The following ALKBH1 variants were observed in gnomAD, a reference collection of about 807,000 sequenced individuals.
ALKBH1 encodes alkB homolog 1, histone H2A dioxygenase.
ALKBH1 carries 31 observed loss-of-function variants against 36.6 expected under a neutral mutation model. The observed-to-expected ratio is 0.85, with a 90% CI of 0.64 to 1.14. ALKBH1 has a LOEUF of 1.14. Ranked by LOEUF, ALKBH1 falls within the 50% of genes most tolerant of loss-of-function variation. ALKBH1 has a pLI of 0.00. For missense variants in ALKBH1, 490 were observed against 497.3 expected (o/e 0.99, Z 0.14); for synonymous variants, 183 against 186.6 (o/e 0.98, Z 0.16).
At chr14:77,675,634 C>A (rs1263233297) in intron 5 of ALKBH1, 22 bp downstream of exon 5, 4 of 1,572,110 alleles carry the variant, frequency 2.5e-6, no homozygotes, top group Non-Finnish European at 3.5e-6. Context: ...AAAGTAATCC[C>A]AAATCCCTGG....
intron 3 of ALKBH1, among the ~76,000 whole-genome samples, chr14:77,684,742 C>T (rs781539909): frequency 2.0e-5 from 3 of 152,056 alleles, no homozygotes; most frequent in African/African-American, 7.2e-5. Context: ...GAGACGGGGT[C>T]TCTCTATGTT....
intron 1 of ALKBH1, 68 bp downstream of exon 1, chr14:77,707,754 G>C: frequency 6.6e-7 from 1 of 1,508,522 alleles, no homozygotes; most frequent in South Asian, 1.3e-5. Flanking sequence ...AGGCGAAGAA[G>C]ACACGTAAGT....
In ALKBH1 at chr14:77,675,725, A is replaced by G. The variant is rs375325110; in HGVS notation, c.671T>C (p.Leu224Pro). The G allele has an allele frequency of 1.7e-5, 27 of 1,614,078 alleles. No individual in the cohort carries two copies. The highest frequency in any genetic ancestry group is 2.1e-5 in the Non-Finnish European group (25 of 1,180,044). The change falls in exon 5 of 6, where the codon CTG becomes CCG. Residue 224 changes from leucine to proline, a missense_variant. Leu to Pro is a moderately conservative substitution (Grantham distance 98, BLOSUM62 -3). Transcript: ENST00000216489. ...AEAGILNYYR[L>P]DSTLGIHVDR... is the part of the protein sequence containing the mutation. ...TACGTGGATTCCCAGTGTGGAGTCC[A>G]GGCGGTAGTAATTCAGGATCCCTGC...
At chr14:77,681,471 T>C (rs2080237790) in intron 3 of ALKBH1, among the ~76,000 whole-genome samples, 1 of 152,236 alleles carries the variant, frequency 6.6e-6, no homozygotes, top group South Asian at 2.1e-4. Context: ...CTCATCTTGA[T>C]GTTTGACGAA....
chr14:77,679,874 GAATAC>G lies in ALKBH1; in HGVS notation c.546+1_546+5del, dbSNP rs1367007547. The G allele has an allele frequency of 2.5e-6, 4 of 1,611,572 alleles. No individual in the cohort carries two copies. The highest frequency in any genetic ancestry group is 3.4e-6 in the Non-Finnish European group (4 of 1,177,846). On this transcript the variant is annotated splice_donor_variant and splice_donor_5th_base_variant and intron_variant, in intron 4 of 5. Coordinates refer to ENST00000216489, the MANE Select transcript of ALKBH1 (RefSeq NM_006020.3). LOFTEE classifies it high-confidence loss of function. ...GAAAACAAAAGAATTAAGAAAACCT[GAATAC>G]CTTACTGTCCCAGTTATAATGGTAG...
chr14:77,673,646 T>G lies in ALKBH1; in HGVS notation c.*166A>C. The G allele has an allele frequency of 4.5e-6, 3 of 674,082 alleles. No individual in the cohort carries two copies. The highest frequency in any genetic ancestry group is 7.5e-6 in the Non-Finnish European group (3 of 400,270). 41.8% of individuals were successfully genotyped at this position (674,082 alleles called of 1,614,324 possible). On this transcript the variant is annotated 3_prime_UTR_variant, in exon 6 of 6. Transcript: ENST00000216489. The stretch of plus-strand genomic sequence containing the variant: ...CAAACACTTCTCTGAGCAAAGTGGC[T>G]GAGTTTACTTCTGCGTGGGTTCCAA...
At chr14:77,687,118 G>A (rs983131258) in intron 3 of ALKBH1, among the ~76,000 whole-genome samples, 10 of 152,116 alleles carry the variant, frequency 6.6e-5, no homozygotes, top group African/African-American at 2.4e-4. Flanking sequence ...CCTTAGTTTT[G>A]TTCTTATTTC....
At chr14:77,679,620 AG>A (rs1432695211) in intron 4 of ALKBH1, among the ~76,000 whole-genome samples, 1 of 152,056 alleles carries the variant, frequency 6.6e-6, no homozygotes, top group Non-Finnish European at 1.5e-5. Flanking sequence ...TTGTAAAGAC[AG>A]GGTTGTGCCA....
At chr14:77,679,173 T>C (rs1566811697) in intron 4 of ALKBH1, among the ~76,000 whole-genome samples, 1 of 152,114 alleles carries the variant, frequency 6.6e-6, no homozygotes, top group South Asian at 2.1e-4. Flanking sequence ...TTGAAATACA[T>C]GGAGCTTCTT....
At chr14:77,677,138 C>G (rs2080210794) in intron 4 of ALKBH1, among the ~76,000 whole-genome samples, 1 of 151,914 alleles carries the variant, frequency 6.6e-6, no homozygotes, top group African/African-American at 2.4e-5. Context: ...CTCCCAGATT[C>G]AAGTGATTCT....
intron 3 of ALKBH1, chr14:77,683,488 A>C (rs2080250134): frequency 1.4e-6 from 1 of 705,284 alleles, no homozygotes; most frequent in Non-Finnish European, 2.6e-6. Context: ...AACACTGTAG[A>C]CTCTTCCAGT....
intron 5 of ALKBH1, among the ~76,000 whole-genome samples, chr14:77,674,453 G>A (rs1288487309): frequency 6.6e-6 from 1 of 152,072 alleles, no homozygotes; most frequent in Non-Finnish European, 1.5e-5. Context: ...CTATAGTTAT[G>A]ACAGCCCACA....
At chr14:77,677,029 C>T (rs1266294508) in intron 4 of ALKBH1, among the ~76,000 whole-genome samples, 2 of 151,794 alleles carry the variant, frequency 1.3e-5, no homozygotes, top group African/African-American at 4.8e-5. Context: ...AAAAATATAT[C>T]AAAGGCCATA....
Position 77,704,374 on chromosome 14 carries a change from T to A in ALKBH1, c.287A>T (p.Tyr96Phe). The A allele has an allele frequency of 6.2e-7, 1 of 1,609,654 alleles. No individual in the cohort carries two copies. Among genetic ancestry groups the A allele is most frequent in the Admixed American group, 1.7e-5 (1 of 60,032 alleles). The change falls in exon 2 of 6, where the codon TAT becomes TTT. Residue 96 changes from tyrosine (Y) to phenylalanine (F), a missense_variant. Coordinates refer to ENST00000216489, the MANE Select transcript of ALKBH1 (RefSeq NM_006020.3). ...CTGAGGTCAGTTACACTCACCAGGATAGCCTTTGAGTCCATAGGCTTGCCA... is the reference window on the plus strand; with the variant it reads ...CTGAGGTCAGTTACACTCACCAGGAAAGCCTTTGAGTCCATAGGCTTGCCA... ...SKWQAYGLKG[Y>F]PGFIFIPNPF...
intron 3 of ALKBH1, chr14:77,692,047 C>T (rs984841773): frequency 7.2e-5 from 11 of 152,152 alleles, no homozygotes; most frequent in African/African-American, 2.4e-4. Flanking sequence ...AGAAAATCTT[C>T]TCTTTACTCT....
At chr14:77,702,313 T>A (rs2080363920) in intron 2 of ALKBH1, among the ~76,000 whole-genome samples, 1 of 151,698 alleles carries the variant, frequency 6.6e-6, no homozygotes, top group Non-Finnish European at 1.5e-5. Flanking sequence ...AATAAATAAA[T>A]AAATAAATAA....
At chr14:77,690,022 G>C (rs2080288841) in intron 3 of ALKBH1, among the ~76,000 whole-genome samples, 1 of 152,078 alleles carries the variant, frequency 6.6e-6, no homozygotes, top group Non-Finnish European at 1.5e-5. Context: ...ACAAACCAAA[G>C]CAAGAAGATA....
At chr14:77,707,597 G>GA (rs1263507107) in intron 1 of ALKBH1, among the ~76,000 whole-genome samples, 1 of 152,176 alleles carries the variant, frequency 6.6e-6, no homozygotes, top group African/African-American at 2.4e-5. Context: ...AGGCTCTTTT[G>GA]ACTGAGCGCC....
At chr14:77,696,606 TG>T (rs2080328470) in intron 2 of ALKBH1, 1 of 152,466 alleles carries the variant, frequency 6.6e-6, no homozygotes. Flanking sequence ...GACTTCAAAT[TG>T]GACATCACAT....
Sources: allele counts gnomAD v4.1 joint callset (sites outside exome capture counted in the v4.1 genomes callset), GRCh38; gene constraint gnomAD v4.1.1; transcripts MANE v1.5; gene names NCBI Gene and HGNC (gene_info 2026-07-23, HGNC 2026-07-21).